Variants in SNRK observed in about 807,000 individuals in gnomAD.
SNRK encodes SNF-related serine/threonine-protein kinase.
A neutral mutation model predicts 48.2 loss-of-function variants in SNRK; 3 were observed. The ratio of observed to expected loss-of-function variants is 0.06; its 90% CI spans 0.03 to 0.16. The LOEUF is 0.16. Among genes scored for constraint, SNRK ranks in the 10% least tolerant of loss-of-function variants. The pLI is 1.00. For synonymous variants in SNRK, 376 were observed against 366.1 expected (o/e 1.03, Z -0.31); for missense variants, 627 against 976.0 (o/e 0.64, Z 4.76).
At chr3:43,333,420 T>C (rs1394297409) in intron 4 of SNRK, 1 of 150,054 alleles carries the variant, frequency 6.7e-6, no homozygotes, top group Non-Finnish European at 1.5e-5. Context: ...GATTCAAATA[T>C]TGACTTCTCC....
intron 3 of SNRK, among the ~76,000 whole-genome samples, chr3:43,308,605 C>G (rs563823915): frequency 6.6e-6 from 1 of 152,312 alleles, no homozygotes; most frequent in South Asian, 2.1e-4. Flanking sequence ...TACTGAATTT[C>G]TTAAGCCCAC....
chr3:43,305,163 C>T (rs2090927784), intron 3 of SNRK, among the ~76,000 whole-genome samples: 1 of 152,050 alleles, frequency 6.6e-6, no homozygotes, highest in Non-Finnish European at 1.5e-5. Context: ...TTGGTAAGAC[C>T]ATAGAATATC....
chr3:43,337,293 C>T (rs1318583814), intron 4 of SNRK, among the ~76,000 whole-genome samples: 7 of 151,528 alleles, frequency 4.6e-5, no homozygotes, highest in Non-Finnish European at 8.8e-5. Context: ...AGGCTGGTCT[C>T]GAACTCCTTA....
rs1338600221 is a variant in SNRK, at chr3:43,343,362, G to C, written c.963G>C (p.Arg321Ser). 6.2e-7 allele frequency: 1 copy of C among 1,613,938 alleles called. No individual in the cohort carries two copies. Among genetic ancestry groups the C allele is most frequent in the Non-Finnish European group, 8.5e-7 (1 of 1,179,998 alleles). The change falls in exon 6 of 7, where the codon AGG becomes AGC. Residue 321 changes from arginine (R) to serine (S), a missense_variant. Arg to Ser is a moderately radical substitution (Grantham distance 110, BLOSUM62 -1). Around this residue, in one of 4 missense-constraint regions of SNRK, gnomAD observed 175 missense variants for 209.7 expected, o/e 0.83. Coordinates refer to ENST00000296088, the MANE Select transcript of SNRK (RefSeq NM_017719.5). ...TCCTCAGAGCCCTGGAAACCAACAG[G>C]TATAACCATATCACAGCCACATACT... ...DAIVEALETN[R>S]YNHITATYFL... is the part of the protein sequence containing the mutation.
rs1461065509 is a variant in SNRK, at chr3:43,343,299, ACCT to A, written c.945-41_945-39del. 2.6e-6 allele frequency: 4 copies of A among 1,531,186 alleles called. No individual in the cohort carries two copies. In the African/African-American group the frequency reaches 4.2e-5, roughly 16 times the overall value. 94.8% of individuals were successfully genotyped at this position (1,531,186 alleles called of 1,614,324 possible). A position where few individuals can be genotyped will look rare whatever the true frequency, so the allele number is the denominator to read the frequency against. ...AATCAATTCTGCTTCTTGTAAAAAAACCTCCTGATATGGCTGACGTTTGCTCTC... is the reference window on the plus strand; with the variant it reads ...AATCAATTCTGCTTCTTGTAAAAAAACCTGATATGGCTGACGTTTGCTCTC... On this transcript the variant is annotated intron_variant, in intron 5 of 6. Coordinates refer to ENST00000296088, the MANE Select transcript of SNRK (RefSeq NM_017719.5).
intron 5 of SNRK, 146 bp from the exon 6 acceptor site, chr3:43,343,198 G>T (rs2091250576): frequency 3.6e-6 from 4 of 1,102,248 alleles, no homozygotes; most frequent in African/African-American, 1.6e-5. Flanking sequence ...TACTAGTTTG[G>T]TTTTTTTCTG....
intron 3 of SNRK, among the ~76,000 whole-genome samples, chr3:43,329,708 TTTC>T (rs1300468951): frequency 3.9e-5 from 6 of 152,208 alleles, no homozygotes; most frequent in African/African-American, 1.2e-4. Flanking sequence ...TTATGTTGCT[TTTC>T]TTCTTTTTTA....
intron 3 of SNRK, among the ~76,000 whole-genome samples, chr3:43,308,169 T>G (rs1278667953): frequency 6.6e-6 from 1 of 152,150 alleles, no homozygotes; most frequent in Non-Finnish European, 1.5e-5. Context: ...CTAGCAGAGT[T>G]TGATTCATGA....
chr3:43,324,040 C>T (rs954197156), intron 3 of SNRK, among the ~76,000 whole-genome samples: 6 of 151,964 alleles, frequency 3.9e-5, no homozygotes, highest in Non-Finnish European at 8.8e-5. Flanking sequence ...GAGAAATGCA[C>T]CCTAAAAATG....
In SNRK at chr3:43,317,234, TAGAA is replaced by T. The variant is rs368231318; in HGVS notation, c.589+13446_589+13449del. 4.6e-5 allele frequency among the ~76,000 whole-genome samples: 7 copies of T among 152,326 alleles called. No individual in the cohort carries two copies. In the South Asian group the frequency reaches 1.4e-3, roughly 32 times the overall value. On this transcript the variant is annotated intron_variant, in intron 3 of 6. Transcript: ENST00000296088. Reference sequence around the variant, plus strand: ...CTGACTGGCATAAGTGTGTGTATTTTAGAAAGACAACAAGAGAAAGGAGGGATTT... The same window carrying T: ...CTGACTGGCATAAGTGTGTGTATTTTAGACAACAAGAGAAAGGAGGGATTT...
chr3:43,318,289 T>C (rs2091027912), intron 3 of SNRK, among the ~76,000 whole-genome samples: 1 of 152,204 alleles, frequency 6.6e-6, no homozygotes. Flanking sequence ...AATGTTATGT[T>C]ATTTGTATTT....
chr3:43,326,729 C>T (rs991350538), intron 3 of SNRK, among the ~76,000 whole-genome samples: 1 of 151,954 alleles, frequency 6.6e-6, no homozygotes, highest in African/African-American at 2.4e-5. Flanking sequence ...CTGTACCCAC[C>T]AGGGTAGATG....
At chr3:43,315,878 T>C (rs577994143) in intron 3 of SNRK, among the ~76,000 whole-genome samples, 1 of 152,352 alleles carries the variant, frequency 6.6e-6, no homozygotes, top group African/African-American at 2.4e-5. Context: ...AGATACTTTA[T>C]ACATCTATAA....
At chr3:43,300,397 T>G (rs1349591566) in intron 2 of SNRK, among the ~76,000 whole-genome samples, 2 of 152,186 alleles carry the variant, frequency 1.3e-5, no homozygotes, top group Non-Finnish European at 2.9e-5. Flanking sequence ...TAAAATCTGA[T>G]TTATATGTCA....
Position 43,319,791 on chromosome 3 carries a change from A to G in SNRK, c.590-12378A>G, listed in dbSNP as rs114282544. On this transcript the variant is annotated intron_variant, in intron 3 of 6. Transcript: ENST00000296088. ...TGGTCACCCTCTGTGGCTCTTCCCA[A>G]TCTCTTTGCTGATGTCGTAATTCCT... Among the ~76,000 whole-genome samples, 247 of 152,242 alleles carry G rather than the reference A, an allele frequency of 1.6e-3. 1 individual carries two copies. Among genetic ancestry groups the G allele is most frequent in the South Asian group, 3.9e-3 (19 of 4,826 alleles).
rs555299230 is a variant in SNRK at position 43,337,294 on chromosome 3, G to A, written c.732-2993G>A. ...TTCGCATTTTGCCCAGGCTGGTCTC[G>A]AACTCCTTAGCTCAGGCAGTCCACC... is the stretch of plus-strand genomic sequence containing the variant. On this transcript the variant is annotated intron_variant, in intron 4 of 6. Transcript: ENST00000296088. Among the ~76,000 whole-genome samples, 236 of 150,352 alleles carry A rather than the reference G, an allele frequency of 1.6e-3. 2 individuals are homozygous for A. The highest frequency in any genetic ancestry group is 5.5e-3 in the African/African-American group (225 of 40,842).
chr3:43,324,191 C>T (rs2091076553), intron 3 of SNRK, among the ~76,000 whole-genome samples: 1 of 152,286 alleles, frequency 6.6e-6, no homozygotes, highest in Admixed American at 6.5e-5. Flanking sequence ...GAGGATGGGG[C>T]CCTCCCACAG....
At chr3:43,307,883 T>C (rs2090950731) in intron 3 of SNRK, among the ~76,000 whole-genome samples, 1 of 152,236 alleles carries the variant, frequency 6.6e-6, no homozygotes, top group South Asian at 2.1e-4. Flanking sequence ...CAAGATAGAC[T>C]GAAAGCTAGG....
intron 1 of SNRK, among the ~76,000 whole-genome samples, chr3:43,288,157 T>G (rs2090780642): frequency 6.6e-6 from 1 of 152,098 alleles, no homozygotes; most frequent in Non-Finnish European, 1.5e-5. Flanking sequence ...GTGTAGAAAG[T>G]CAGGTGCACA....
Sources: allele counts gnomAD v4.1 joint callset (sites outside exome capture counted in the v4.1 genomes callset), GRCh38; gene constraint gnomAD v4.1.1; regional missense constraint gnomAD v4.1.1; transcripts MANE v1.5; gene names NCBI Gene and HGNC (gene_info 2026-07-23, HGNC 2026-07-21).